Variants in PTPRT observed in about 807,000 individuals in gnomAD.
PTPRT encodes protein tyrosine phosphatase receptor type T, also known as receptor-type tyrosine-protein phosphatase T.
Under a neutral mutation model 176.8 loss-of-function variants are expected in PTPRT, and 56 were observed. The observed-to-expected ratio is 0.32, with a 90% CI of 0.26 to 0.40. PTPRT has a LOEUF of 0.40. Among genes scored for constraint, PTPRT ranks in the 10% least tolerant of loss-of-function variants. PTPRT has a pLI of 1.00. For synonymous variants in PTPRT, 783 were observed against 739.0 expected (o/e 1.06, Z -0.96); for missense variants, 1,540 against 1,908.2 (o/e 0.81, Z 3.60).
chr20:42,103,436 C>T (rs1379335803), intron 25 of PTPRT, among the ~76,000 whole-genome samples: 1 of 152,174 alleles, frequency 6.6e-6, no homozygotes, highest in East Asian at 1.9e-4. Context: ...CTGCTGGTCT[C>T]CAGACTGCAG....
intron 13 of PTPRT, among the ~76,000 whole-genome samples, chr20:42,279,830 T>C (rs1218756070): frequency 6.6e-6 from 1 of 152,160 alleles, no homozygotes; most frequent in African/African-American, 2.4e-5. Flanking sequence ...TAGCTGGTCA[T>C]AGACAGTGGC....
At chr20:42,062,225 C>A in the PTPRT span, among the ~76,000 whole-genome samples, 2 of 152,264 alleles carry the variant, frequency 1.3e-5, no homozygotes, top group East Asian at 3.9e-4. Context: ...AGAAGGCCTG[C>A]AAAGAGGGGT....
intron 1 of PTPRT, among the ~76,000 whole-genome samples, chr20:42,945,467 A>C (rs1980826144): frequency 6.6e-6 from 1 of 152,204 alleles, no homozygotes. Flanking sequence ...TCTGCCATGA[A>C]GCAGATGCAA....
chr20:42,470,230 A>G (rs906994041), intron 8 of PTPRT, among the ~76,000 whole-genome samples: 1 of 152,086 alleles, frequency 6.6e-6, no homozygotes, highest in African/African-American at 2.4e-5. Flanking sequence ...GAGAGACAAA[A>G]GTTACTGAAA....
intron 15 of PTPRT, among the ~76,000 whole-genome samples, chr20:42,227,090 G>GA (rs1187795349): frequency 6.6e-6 from 1 of 151,928 alleles, no homozygotes; most frequent in Non-Finnish European, 1.5e-5. Flanking sequence ...TGGGTTCTCT[G>GA]AAAATCAATC....
chr20:42,534,717 T>C (rs956312207), intron 7 of PTPRT, among the ~76,000 whole-genome samples: 2 of 152,190 alleles, frequency 1.3e-5, no homozygotes, highest in Admixed American at 6.5e-5. Flanking sequence ...AACATTATCA[T>C]GAGTGACTCT....
chr20:42,224,170 T>TGA (rs1413293198), intron 15 of PTPRT, among the ~76,000 whole-genome samples: 1 of 152,186 alleles, frequency 6.6e-6, no homozygotes, highest in Non-Finnish European at 1.5e-5. Flanking sequence ...GCAGAAGCAT[T>TGA]GAGTCCCTTG....
At chr20:43,016,780 G>A (rs991440991) in intron 1 of PTPRT, among the ~76,000 whole-genome samples, 1 of 151,642 alleles carries the variant, frequency 6.6e-6, no homozygotes, top group South Asian at 2.1e-4. Context: ...CAAGTGATCC[G>A]CCCACCTCGG....
chr20:42,504,798 A>G (rs2071815609), intron 7 of PTPRT, among the ~76,000 whole-genome samples: 1 of 152,158 alleles, frequency 6.6e-6, no homozygotes, highest in Admixed American at 6.5e-5. Context: ...TGCTTTTTAA[A>G]ATGCCCTTTC....
chr20:42,819,376 T>A (rs1246569448), intron 2 of PTPRT, among the ~76,000 whole-genome samples: 2 of 152,162 alleles, frequency 1.3e-5, no homozygotes, highest in African/African-American at 2.4e-5. Flanking sequence ...CCACCAGGCC[T>A]GCCATCCAAG....
intron 6 of PTPRT, among the ~76,000 whole-genome samples, chr20:42,690,581 C>T (rs993702945): frequency 5.3e-5 from 8 of 152,272 alleles, no homozygotes; most frequent in Admixed American, 1.3e-4. Flanking sequence ...ACAATGCCTG[C>T]GCAGCCCACA....
At chr20:42,203,264 T>G (rs1005394093) in intron 15 of PTPRT, among the ~76,000 whole-genome samples, 2 of 152,180 alleles carry the variant, frequency 1.3e-5, no homozygotes, top group Non-Finnish European at 2.9e-5. Context: ...GACCTCTCAG[T>G]AACACAGAAA....
Position 42,691,316 on chromosome 20 carries a change from G to A in PTPRT, c.860-13157C>T, listed in dbSNP as rs1349061531. On this transcript the variant is annotated intron_variant, in intron 6 of 30. Transcript: ENST00000373187. ...GGGCAACCTGAGTCCAGGAAGCTTC[G>A]TCAGTTGCTACGCTACCAGCCACAG... 5.9e-5 allele frequency among the ~76,000 whole-genome samples: 9 copies of A among 152,220 alleles called. No individual in the cohort carries two copies. The East Asian group carries it at 9.6e-4, about 16-fold the overall frequency.
intron 1 of PTPRT, among the ~76,000 whole-genome samples, chr20:43,064,408 G>A (rs1022829094): frequency 9.9e-5 from 15 of 152,148 alleles, no homozygotes; most frequent in Admixed American, 1.3e-4. Flanking sequence ...TTAAGACAAT[G>A]AAATGTTGAG....
intron 6 of PTPRT, chr20:42,686,145 T>C (rs1249882712): frequency 6.6e-6 from 1 of 152,198 alleles, no homozygotes; most frequent in Non-Finnish European, 1.5e-5. Context: ...TTTCTCTCCA[T>C]AGTGACAACA....
intron 9 of PTPRT, among the ~76,000 whole-genome samples, chr20:42,437,058 G>A (rs1213107259): frequency 6.6e-6 from 1 of 152,176 alleles, no homozygotes; most frequent in Admixed American, 6.5e-5. Context: ...GAGTGGAGGG[G>A]TCAGGAAGAT....
intron 1 of PTPRT, among the ~76,000 whole-genome samples, chr20:43,060,382 A>T (rs1020170889): frequency 6.6e-6 from 1 of 152,032 alleles, no homozygotes; most frequent in Admixed American, 6.5e-5. Context: ...GGGCTTTCTG[A>T]AGTCCCTTTT....
chr20:42,731,151 A>C (rs2076454303), intron 6 of PTPRT, among the ~76,000 whole-genome samples: 1 of 152,190 alleles, frequency 6.6e-6, no homozygotes, highest in East Asian at 1.9e-4. Context: ...GCCTGCAAAC[A>C]CAGCCTCCCC....
At chr20:42,529,847 G>GAAAAAAA in intron 7 of PTPRT, among the ~76,000 whole-genome samples, 1 of 108,520 alleles carries the variant, frequency 9.2e-6, no homozygotes. Context: ...CTTGTTAGAG[G>GAAAAAAA]AAAAAAAAAA....
Sources: allele counts gnomAD v4.1 joint callset (sites outside exome capture counted in the v4.1 genomes callset), GRCh38; gene constraint gnomAD v4.1.1; transcripts MANE v1.5; gene names NCBI Gene and HGNC (gene_info 2026-07-23, HGNC 2026-07-21).